Variants in EPC2 observed in about 807,000 individuals in gnomAD.
The protein encoded by EPC2 is enhancer of polycomb 2, also known as enhancer of polycomb homolog 2.
A neutral mutation model predicts 92.1 loss-of-function variants in EPC2; 14 were observed. The ratio of observed to expected loss-of-function variants is 0.15; its 90% CI spans 0.10 to 0.24. The LOEUF is 0.24. Among genes scored for constraint, EPC2 ranks in the 10% least tolerant of loss-of-function variants. The probability of loss-of-function intolerance (pLI) is 1.00; values close to 1 mark genes in which losing one functional copy is unlikely to be tolerated. For synonymous variants in EPC2, 340 were observed against 334.7 expected (o/e 1.02, Z -0.17); for missense variants, 755 against 971.5 (o/e 0.78, Z 2.96).
chr2:148,652,870 T>C (rs1232640730), intron 1 of EPC2, among the ~76,000 whole-genome samples: 1 of 152,238 alleles, frequency 6.6e-6, no homozygotes, highest in Non-Finnish European at 1.5e-5. Flanking sequence ...ATCATCTTGC[T>C]TTCATGAAAT....
chr2:148,696,932 A>G (rs1307758704), intron 2 of EPC2, among the ~76,000 whole-genome samples: 1 of 152,244 alleles, frequency 6.6e-6, no homozygotes, highest in Non-Finnish European at 1.5e-5. Flanking sequence ...AAAATTTTAA[A>G]GAAGTCTAAA....
intron 3 of EPC2, among the ~76,000 whole-genome samples, chr2:148,744,706 A>G (rs777044311): frequency 7.2e-5 from 11 of 152,104 alleles, no homozygotes; most frequent in Non-Finnish European, 1.3e-4. Context: ...ATCATGAGCT[A>G]TGTGTTGATA....
chr2:148,772,903 A>G (rs980114099), intron 10 of EPC2, among the ~76,000 whole-genome samples: 2 of 152,172 alleles, frequency 1.3e-5, no homozygotes, highest in Non-Finnish European at 2.9e-5. Flanking sequence ...TTCTCAAAAT[A>G]ATTTTTCCCA....
intron 2 of EPC2, among the ~76,000 whole-genome samples, chr2:148,728,956 C>T (rs541111201): frequency 4.6e-4 from 60 of 129,508 alleles, no homozygotes; most frequent in Non-Finnish European, 7.7e-4. Context: ...GGTGTGAACC[C>T]GGGAGGCGGA....
At chr2:148,652,825 G>C (rs576202793) in intron 1 of EPC2, among the ~76,000 whole-genome samples, 1 of 152,266 alleles carries the variant, frequency 6.6e-6, no homozygotes, top group South Asian at 2.1e-4. Context: ...CTAGAGCCTA[G>C]TAGAGCAATC....
intron 1 of EPC2, among the ~76,000 whole-genome samples, chr2:148,680,462 T>A (rs1003545542): frequency 6.6e-6 from 1 of 152,236 alleles, no homozygotes; most frequent in Admixed American, 6.5e-5. Context: ...AATTTTTAAT[T>A]CATGCATTGT....
rs1474056222 is a variant in EPC2, at chr2:148,685,225, A to G, written c.154-4989A>G. Among the ~76,000 whole-genome samples the G allele has an allele frequency of 2.8e-5, 4 of 140,874 alleles. No homozygotes were observed. In the Admixed American group the frequency reaches 3.0e-4, roughly 11 times the overall value. 92.4% of individuals were successfully genotyped at this position (140,874 alleles called of 152,430 possible). On this transcript the variant is annotated intron_variant, in intron 1 of 13. Transcript: ENST00000258484. ...GTCCTTTATTGAACAAAAATTTTTA[A>G]TTTTAATATAATGGATTTCGTTGAG...
chr2:148,726,343 C>G (rs945125466), intron 2 of EPC2, among the ~76,000 whole-genome samples: 1 of 152,088 alleles, frequency 6.6e-6, no homozygotes, highest in Non-Finnish European at 1.5e-5. Context: ...TATAGTAGTT[C>G]TATTTTAAAT....
intron 2 of EPC2, among the ~76,000 whole-genome samples, chr2:148,727,700 G>T (rs1007772923): frequency 1.3e-5 from 2 of 152,200 alleles, no homozygotes; most frequent in South Asian, 4.1e-4. Context: ...GAGTGAGAAA[G>T]ATACTGGGTT....
chr2:148,648,960 C>T lies in EPC2; in HGVS notation c.153+3790C>T, dbSNP rs966856785. On this transcript the variant is annotated intron_variant, in intron 1 of 13. Transcript: ENST00000258484. Reference sequence around the variant, plus strand: ...AGTTGGCATCCTCCTTTAACTTGGTCTTTGTAATGCTCCTCACGGCACTTG... The same window carrying T: ...AGTTGGCATCCTCCTTTAACTTGGTTTTTGTAATGCTCCTCACGGCACTTG... Among the ~76,000 whole-genome samples, 4 of 152,182 alleles carry T rather than the reference C, an allele frequency of 2.6e-5. No individual in the cohort carries two copies. The East Asian group carries it at 5.8e-4, about 22-fold the overall frequency.
At chr2:148,645,791 AC>A (rs1683786262) in intron 1 of EPC2, among the ~76,000 whole-genome samples, 1 of 150,044 alleles carries the variant, frequency 6.7e-6, no homozygotes, top group South Asian at 2.1e-4. Context: ...AGTTCTGCCG[AC>A]CCGAGCCGGG....
chr2:148,686,403 G>T (rs984617789), intron 1 of EPC2, among the ~76,000 whole-genome samples: 2 of 152,160 alleles, frequency 1.3e-5, no homozygotes, highest in African/African-American at 2.4e-5. Context: ...CTTTACTGAA[G>T]TCTTGAACTC....
intron 7 of EPC2, 142 bp downstream of exon 7, chr2:148,765,288 G>T (rs1227717549): frequency 2.1e-6 from 1 of 486,124 alleles, no homozygotes. Context: ...CAGTATTTAT[G>T]TAGCCACTGA....
At chr2:148,669,205 G>A (rs1448897) in intron 1 of EPC2, among the ~76,000 whole-genome samples, 21,312 of 152,124 alleles carry the variant, frequency 0.14, 2,425 homozygotes, top group East Asian at 0.45. Flanking sequence ...GTTTGACTCT[G>A]TCATCTTACT....
intron 1 of EPC2, among the ~76,000 whole-genome samples, chr2:148,674,269 T>C (rs144817285): frequency 4.6e-5 from 7 of 152,346 alleles, no homozygotes; most frequent in Non-Finnish European, 1.0e-4. Flanking sequence ...CTGTGTGTGG[T>C]ACTGCAGATT....
chr2:148,757,722 A>G (rs1457645021), intron 4 of EPC2, among the ~76,000 whole-genome samples: 1 of 152,090 alleles, frequency 6.6e-6, no homozygotes, highest in African/African-American at 2.4e-5. Flanking sequence ...CTGTAATCCC[A>G]GCTACTCAGG....
intron 1 of EPC2, among the ~76,000 whole-genome samples, chr2:148,671,222 A>T (rs925255395): frequency 6.6e-6 from 1 of 151,498 alleles, no homozygotes; most frequent in African/African-American, 2.4e-5. Flanking sequence ...TTGCTTCATA[A>T]AATGTTTGCT....
chr2:148,723,930 T>A (rs10192664), intron 2 of EPC2, among the ~76,000 whole-genome samples: 2 of 152,138 alleles, frequency 1.3e-5, no homozygotes, highest in African/African-American at 4.8e-5. Flanking sequence ...TAAAAATCTC[T>A]TGTGGAATTT....
At chr2:148,675,407 G>A (rs1272229789) in intron 1 of EPC2, among the ~76,000 whole-genome samples, 1 of 152,136 alleles carries the variant, frequency 6.6e-6, no homozygotes, top group Non-Finnish European at 1.5e-5. Context: ...CAGAGTGAGA[G>A]TTGTTCATCA....
Sources: gnomAD v4.1 joint callset for allele counts (sites outside exome capture counted in the v4.1 genomes callset) on GRCh38, gnomAD v4.1.1 for gene constraint, MANE v1.5 for transcripts, NCBI Gene and HGNC (gene_info 2026-07-23, HGNC 2026-07-21) for gene names.